The following TRIO variants were observed in gnomAD, a reference collection of about 807,000 sequenced individuals.
TRIO encodes the protein trio Rho guanine nucleotide exchange factor, also known as triple functional domain protein.
TRIO carries 58 observed loss-of-function variants against 351.9 expected under a neutral mutation model. That is an observed-to-expected ratio of 0.16 (90% CI 0.13 to 0.21). TRIO has a LOEUF of 0.21. TRIO is among the 10% of genes least tolerant of loss of function. The pLI, the probability that TRIO is intolerant of heterozygous loss-of-function variation, is 1.00. For synonymous variants in TRIO, 1,758 were observed against 1,595.7 expected (o/e 1.10, Z -2.42); for missense variants, 3,201 against 4,027.8 (o/e 0.79, Z 5.56).
intron 6 of TRIO, 135 bp from the exon 7 acceptor site, chr5:14,296,937 A>G (rs893247470): frequency 1.7e-6 from 1 of 597,396 alleles, no homozygotes; most frequent in Non-Finnish European, 2.9e-6. Flanking sequence ...TATTATATAT[A>G]TCAGGTGATG....
intron 47 of TRIO, 111 bp downstream of exon 47, chr5:14,485,357 C>A: frequency 8.6e-7 from 1 of 1,164,788 alleles, no homozygotes. Flanking sequence ...TAGCACTCAC[C>A]ACTCTTCAGG....
At chr5:14,354,012 C>T (rs747457252) in intron 11 of TRIO, among the ~76,000 whole-genome samples, 6 of 152,224 alleles carry the variant, frequency 3.9e-5, no homozygotes, top group Non-Finnish European at 5.9e-5. Flanking sequence ...TCCTGTACCA[C>T]GAGTTGGGTC....
At chr5:14,490,890 A>G (rs985073993) in intron 48 of TRIO, 2 of 455,474 alleles carry the variant, frequency 4.4e-6, no homozygotes, top group Non-Finnish European at 8.8e-6. Context: ...ATTGCCATAT[A>G]AGTCAGAATA....
intron 9 of TRIO, among the ~76,000 whole-genome samples, chr5:14,321,693 G>A (rs1581614330): frequency 6.6e-6 from 1 of 152,170 alleles, no homozygotes; most frequent in Admixed American, 6.5e-5. Flanking sequence ...CGCCTGATAT[G>A]GTTTGGCTGT....
At chr5:14,311,302 G>T (rs1211840472) in intron 8 of TRIO, among the ~76,000 whole-genome samples, 1 of 152,216 alleles carries the variant, frequency 6.6e-6, no homozygotes, top group African/African-American at 2.4e-5. Flanking sequence ...CAGGTTTACA[G>T]GTGTCAGAGA....
intron 41 of TRIO, among the ~76,000 whole-genome samples, chr5:14,477,826 A>G (rs1039645464): frequency 2.6e-5 from 4 of 152,238 alleles, no homozygotes; most frequent in African/African-American, 4.8e-5. Context: ...GTTTCATTAC[A>G]CAGTATCCAA....
intron 2 of TRIO, among the ~76,000 whole-genome samples, chr5:14,279,620 T>G (rs187511000): frequency 2.6e-5 from 4 of 152,340 alleles, no homozygotes; most frequent in African/African-American, 9.6e-5. Context: ...TTCATTAGGA[T>G]TGTATATGTT....
At chr5:14,367,983 A>G (rs540892161) in intron 16 of TRIO, among the ~76,000 whole-genome samples, 1 of 152,294 alleles carries the variant, frequency 6.6e-6, no homozygotes, top group East Asian at 1.9e-4. Flanking sequence ...AGGCGAAATG[A>G]GAGGTTTTGC....
intron 34 of TRIO, among the ~76,000 whole-genome samples, chr5:14,439,515 G>A (rs1751856919): frequency 6.6e-6 from 1 of 152,146 alleles, no homozygotes; most frequent in Non-Finnish European, 1.5e-5. Context: ...TTTGGAAAGG[G>A]ACAAAGTCAA....
intron 1 of TRIO, among the ~76,000 whole-genome samples, chr5:14,267,833 A>G (rs1287068023): frequency 6.6e-6 from 1 of 150,778 alleles, no homozygotes; most frequent in African/African-American, 2.4e-5. Flanking sequence ...ATAATGACAA[A>G]CTCAAGTTTC....
intron 13 of TRIO, among the ~76,000 whole-genome samples, chr5:14,360,867 G>A (rs1302328084): frequency 6.6e-6 from 1 of 152,220 alleles, no homozygotes; most frequent in Non-Finnish European, 1.5e-5. Context: ...CAAGAAAGGA[G>A]TCAAACCCTA....
intron 34 of TRIO, among the ~76,000 whole-genome samples, chr5:14,448,812 A>G (rs564279169): frequency 1.1e-4 from 17 of 152,250 alleles, no homozygotes; most frequent in African/African-American, 4.1e-4. Context: ...GTTCTTGTGT[A>G]AAAGTCAGGA....
chr5:14,360,078 T>A (rs1744006607), intron 13 of TRIO, among the ~76,000 whole-genome samples: 1 of 152,114 alleles, frequency 6.6e-6, no homozygotes, highest in Admixed American at 6.5e-5. Context: ...TTCTCTCTCT[T>A]GCCCTTCTCT....
intron 1 of TRIO, among the ~76,000 whole-genome samples, chr5:14,163,865 A>T (rs947506166): frequency 1.3e-5 from 2 of 152,244 alleles, no homozygotes; most frequent in Non-Finnish European, 2.9e-5. Flanking sequence ...CAGGAATCTT[A>T]AATAGGCTCT....
intron 9 of TRIO, among the ~76,000 whole-genome samples, chr5:14,320,226 G>A (rs1739757669): frequency 6.6e-6 from 1 of 152,180 alleles, no homozygotes; most frequent in African/African-American, 2.4e-5. Context: ...GCTACACACT[G>A]TTTTCTAGTT....
chr5:14,387,956 TTTTG>T, intron 23 of TRIO, 109 bp downstream of exon 23: 2 of 1,176,698 alleles, frequency 1.7e-6, no homozygotes, highest in Admixed American at 4.1e-5. Flanking sequence ...CACCCAGGCT[TTTTG>T]TTGCTCTGGG....
intron 1 of TRIO, among the ~76,000 whole-genome samples, chr5:14,145,695 A>G (rs182574712): frequency 6.6e-6 from 1 of 152,176 alleles, no homozygotes; most frequent in African/African-American, 2.4e-5. Context: ...TTGGAGATGG[A>G]TTTTTTGGTG....
At chr5:14,436,163 T>C (rs1751574373) in intron 34 of TRIO, among the ~76,000 whole-genome samples, 1 of 152,192 alleles carries the variant, frequency 6.6e-6, no homozygotes, top group African/African-American at 2.4e-5. Flanking sequence ...TTATTGGACT[T>C]ACAGTTCCAT....
chr5:14,400,679 G>A (rs1207359807), intron 30 of TRIO, among the ~76,000 whole-genome samples: 1 of 152,204 alleles, frequency 6.6e-6, no homozygotes, highest in African/African-American at 2.4e-5. Flanking sequence ...TTGTCAGATA[G>A]TAGGATTTTC....
Sources: gnomAD v4.1 joint callset for allele counts (sites outside exome capture counted in the v4.1 genomes callset) on GRCh38, gnomAD v4.1.1 for gene constraint, MANE v1.5 for transcripts, NCBI Gene and HGNC (gene_info 2026-07-23, HGNC 2026-07-21) for gene names.